UGT3A1: variants seen among roughly 807,000 people sequenced by gnomAD.
UGT3A1 encodes the protein UDP glycosyltransferase family 3 member A1, also known as UDP-glycosyltransferase 3A1.
In UGT3A1, 40 loss-of-function variants were observed where a neutral mutation model predicts 37.6. The observed-to-expected ratio is 1.06, with a 90% CI of 0.83 to 1.38. The LOEUF is 1.38. UGT3A1 is among the 40% of genes most tolerant of loss of function. The probability of loss-of-function intolerance (pLI) is 0.00; values close to 1 mark genes in which losing one functional copy is unlikely to be tolerated. For synonymous variants in UGT3A1, 256 were observed against 232.3 expected (o/e 1.10, Z -0.93); for missense variants, 642 against 634.2 (o/e 1.01, Z -0.13).
intron 2 of UGT3A1, among the ~76,000 whole-genome samples, chr5:35,976,657 T>C (rs1413929087): frequency 6.6e-6 from 1 of 151,870 alleles, no homozygotes; most frequent in African/African-American, 2.4e-5. Flanking sequence ...CTGGGCAACA[T>C]AGTGAGATAC....
chr5:35,994,077 A>T (rs1043220249), upstream of UGT3A1, among the ~76,000 whole-genome samples: 4 of 152,016 alleles, frequency 2.6e-5, no homozygotes, highest in Non-Finnish European at 5.9e-5. Context: ...ACTCATTTCC[A>T]TCAAGGAAGG....
intron 1 of UGT3A1, among the ~76,000 whole-genome samples, chr5:35,988,965 T>A (rs1263322731): frequency 1.3e-5 from 2 of 152,204 alleles, no homozygotes; most frequent in Non-Finnish European, 2.9e-5. Context: ...AGTGTGTACA[T>A]TAGTATGAAG....
intron 2 of UGT3A1, among the ~76,000 whole-genome samples, chr5:35,976,400 T>A (rs927149817): frequency 6.6e-6 from 1 of 152,168 alleles, no homozygotes; most frequent in African/African-American, 2.4e-5. Context: ...ACAACCCAAT[T>A]TAAGAAGGAT....
rs146276706 is a variant in UGT3A1 at position 35,957,237 on chromosome 5, C to A, written c.1026G>T (p.Leu342Phe). The change falls in exon 5 of 7, where the codon TTG becomes TTT. Residue 342 changes from leucine (L) to phenylalanine (F), a missense_variant. Transcript: ENST00000274278. ...AGTCCACAATTTTCACATTTGTGGCCAAATGAACATCTCTGGGCCAATGAG... is the reference window on the plus strand; with the variant it reads ...AGTCCACAATTTTCACATTTGTGGCAAAATGAACATCTCTGGGCCAATGAG... Reference protein sequence around the residue: ...QSSHWPRDVHLATNVKIVDWL... With the variant: ...QSSHWPRDVHFATNVKIVDWL... 6.1e-5 allele frequency: 99 copies of A among 1,614,142 alleles called. No individual in the cohort carries two copies. In the African/African-American group the frequency reaches 7.9e-4, roughly 13 times the overall value.
chr5:35,971,675 C>T (rs1164988136), intron 2 of UGT3A1, among the ~76,000 whole-genome samples: 1 of 152,178 alleles, frequency 6.6e-6, no homozygotes, highest in African/African-American at 2.4e-5. Context: ...CCCACCAACT[C>T]CCAAACTGCA....
chr5:35,965,779 A>T lies in UGT3A1; in HGVS notation c.450T>A (p.Cys150Ter), dbSNP rs768045145. The part of the protein sequence containing the change: ...DLVFVEAFDF[C>*]SFLIAEKLVK... ...CAAGCTTCTCAGCAATCAGGAAAGA[A>T]CAGAAATCAAATGCTTCAACAAATA... Residue 150 changes from cysteine (C) to a stop codon, truncating the protein, a stop_gained, in exon 4 of 7, where the codon TGT becomes TGA. Transcript: ENST00000274278. LOFTEE classifies it high-confidence loss of function. The T allele has an allele frequency of 1.2e-6, 2 of 1,614,220 alleles. No homozygotes were observed. The highest frequency in any genetic ancestry group is 1.1e-5 in the South Asian group (1 of 91,088).
chr5:35,979,991 T>C (rs540713770), intron 2 of UGT3A1, among the ~76,000 whole-genome samples: 34 of 152,362 alleles, frequency 2.2e-4, no homozygotes, highest in African/African-American at 7.5e-4. Flanking sequence ...AGGAAAGACC[T>C]GTCCTCATGA....
chr5:35,984,862 G>A (rs1740666484), intron 2 of UGT3A1, among the ~76,000 whole-genome samples: 1 of 151,876 alleles, frequency 6.6e-6, no homozygotes, highest in South Asian at 2.1e-4. Flanking sequence ...CAATAAATGT[G>A]GAATCTGAAT....
upstream of UGT3A1, among the ~76,000 whole-genome samples, chr5:35,994,971 G>T (rs1251341526): frequency 2.0e-5 from 3 of 152,168 alleles, no homozygotes; most frequent in African/African-American, 4.8e-5. Flanking sequence ...GCCCAAATTA[G>T]TGTAACTGTG....
At position 35,991,136 on chromosome 5, in the gene UGT3A1, C is replaced by A; in HGVS notation, c.94+11G>T. 1 of 1,614,096 alleles carries A rather than the reference C, an allele frequency of 6.2e-7. No individual in the cohort carries two copies. The highest frequency in any genetic ancestry group is 2.2e-5 in the East Asian group (1 of 44,892). On this transcript the variant is annotated intron_variant, in intron 1 of 6. Coordinates refer to ENST00000274278, the MANE Select transcript of UGT3A1 (RefSeq NM_152404.4). ...CGCGCCTGTCTGGGAATTCTCCGGCCAAGCACTCACCCAGTGTAGATATTG... is the reference window on the plus strand; with the variant it reads ...CGCGCCTGTCTGGGAATTCTCCGGCAAAGCACTCACCCAGTGTAGATATTG...
At chr5:35,978,264 A>G (rs1197596765) in intron 2 of UGT3A1, among the ~76,000 whole-genome samples, 1 of 152,120 alleles carries the variant, frequency 6.6e-6, no homozygotes, top group Non-Finnish European at 1.5e-5. Flanking sequence ...TGAACTCCTG[A>G]CCTCAAGTGA....
intron 2 of UGT3A1, among the ~76,000 whole-genome samples, chr5:35,997,085 G>A (rs374952512): frequency 6.6e-6 from 1 of 152,222 alleles, no homozygotes; most frequent in Admixed American, 6.5e-5. Flanking sequence ...ATTATTTCCT[G>A]CACAAGCCTC....
intron 2 of UGT3A1, among the ~76,000 whole-genome samples, chr5:35,987,184 G>A (rs1422628204): frequency 6.6e-6 from 1 of 152,108 alleles, no homozygotes; most frequent in Admixed American, 6.5e-5. Context: ...AAATGTACAA[G>A]TATTTCAATA....
chr5:35,958,476 C>A (rs1580917566), intron 4 of UGT3A1, among the ~76,000 whole-genome samples: 1 of 152,188 alleles, frequency 6.6e-6, no homozygotes, highest in East Asian at 1.9e-4. Context: ...TCTCAATTAA[C>A]AAACTGAAAA....
At chr5:35,974,898 T>C (rs1740199769) in intron 2 of UGT3A1, among the ~76,000 whole-genome samples, 1 of 152,202 alleles carries the variant, frequency 6.6e-6, no homozygotes, top group South Asian at 2.1e-4. Flanking sequence ...ACCACACTTG[T>C]CCGTTGCGTT....
chr5:35,962,157 C>G (rs1280200825), intron 4 of UGT3A1: 1 of 152,248 alleles, frequency 6.6e-6, no homozygotes, highest in South Asian at 2.1e-4. Context: ...TGCAGAGCAG[C>G]CTGCTTCTCA....
chr5:35,962,806 G>C (rs1330221532), intron 4 of UGT3A1: 1 of 680,572 alleles, frequency 1.5e-6, no homozygotes, highest in Non-Finnish European at 2.7e-6. Context: ...CAGATTCTGA[G>C]GGTCAAAGCA....
At chr5:35,974,393 T>C (rs569798875) in intron 2 of UGT3A1, among the ~76,000 whole-genome samples, 1 of 152,258 alleles carries the variant, frequency 6.6e-6, no homozygotes, top group African/African-American at 2.4e-5. Context: ...TAAGCTAGCA[T>C]GGTTGGAAAG....
At chr5:35,989,508 TATACTC>T (rs745307065) in intron 1 of UGT3A1, among the ~76,000 whole-genome samples, 1 of 152,190 alleles carries the variant, frequency 6.6e-6, no homozygotes, top group Non-Finnish European at 1.5e-5. Context: ...TCACTCTACT[TATACTC>T]AGACTTGAAT....
Sources: allele counts gnomAD v4.1 joint callset (sites outside exome capture counted in the v4.1 genomes callset), GRCh38; gene constraint gnomAD v4.1.1; transcripts MANE v1.5; gene names NCBI Gene and HGNC (gene_info 2026-07-23, HGNC 2026-07-21).